Variants in TNS2 observed in about 807,000 individuals in gnomAD.
TNS2 encodes tensin-2.
TNS2 carries 77 observed loss-of-function variants against 155.7 expected under a neutral mutation model. That is an observed-to-expected ratio of 0.49 (90% CI 0.41 to 0.60). The LOEUF is 0.60. Among genes scored for constraint, TNS2 ranks in the 20% least tolerant of loss-of-function variants. The pLI is 0.00. For synonymous variants in TNS2, 726 were observed against 763.9 expected (o/e 0.95, Z 0.82); for missense variants, 1,703 against 1,868.8 (o/e 0.91, Z 1.64).
At position 53,059,816 on chromosome 12, in the gene TNS2, C is replaced by T; in HGVS notation, c.2175C>T (p.Leu725=). The change falls in exon 18 of 29, where the codon CTC becomes CTT. Residue 725 remains leucine (L), a synonymous_variant. Transcript: ENST00000314250. The surrounding 1 kb of genome is among the most constrained non-coding windows in gnomAD (Gnocchi z 4.7). ...EGWASEAGKP[L]LHPVRPGHPL... is the part of the protein sequence containing the mutation. ...GGGCAAGTGAGGCTGGCAAGCCTCT[C>T]CTGCACCCAGTGCGGCCTGGGCACC... is the stretch of plus-strand genomic sequence containing the variant. 1 of 1,612,904 alleles carries T rather than the reference C, an allele frequency of 6.2e-7. No homozygotes were observed. The highest frequency in any genetic ancestry group is 8.5e-7 in the Non-Finnish European group (1 of 1,179,936).
Position 53,055,306 on chromosome 12 carries a change from G to A in TNS2, c.573+70G>A, listed in dbSNP as rs149020226. 4.5e-5 allele frequency: 68 copies of A among 1,522,210 alleles called. 1 individual carries two copies. The African/African-American group carries it at 6.4e-4, about 14-fold the overall frequency. 94.3% of individuals were successfully genotyped at this position (1,522,210 alleles called of 1,614,324 possible). A position where few individuals can be genotyped will look rare whatever the true frequency, so the allele number is the denominator to read the frequency against. On this transcript the variant is annotated intron_variant, in intron 8 of 28. Transcript: ENST00000314250. ...AACCCCAGAAGCCCCCAGCTTCCTC[G>A]TTATTAATAGTAGCAATTGGCATCT...
Position 53,063,194 on chromosome 12 carries a change from C to T in TNS2, c.3929C>T (p.Thr1310Ile), listed in dbSNP as rs1478155329. 6.2e-7 allele frequency: 1 copy of T among 1,612,654 alleles called. No individual in the cohort carries two copies. The highest frequency in any genetic ancestry group is 8.5e-7 in the Non-Finnish European group (1 of 1,179,628). Residue 1310 changes from threonine (T) to isoleucine (I), a missense_variant, in exon 26 of 29, where the codon ACA becomes ATA. Transcript: ENST00000314250. The surrounding 1 kb of genome is among the most constrained non-coding windows in gnomAD (Gnocchi z 5.6). ...GCTCTGAGCTGTAGCCCCCGCCCGA[C>T]ACCAGCTGTTGTCCACTTCAAGGTG... ...SAALSCSPRPTPAVVHFKVSA... is the reference protein window; with the variant it reads ...SAALSCSPRPIPAVVHFKVSA...
chr12:53,052,228 C>T (rs1480161959), intron 2 of TNS2: 11 of 631,978 alleles, frequency 1.7e-5, no homozygotes, highest in Non-Finnish European at 2.8e-5. Flanking sequence ...TCTTCCTCCT[C>T]ACCTCCACCC....
In TNS2 at chr12:53,050,303, A is replaced by T; in HGVS notation, c.75+43A>T. ...CTGGGCAAAAGAGGGGCAGGGGTGG[A>T]GGTGCGGGCAGTGGGGGAGGGGACC... On this transcript the variant is annotated intron_variant, in intron 1 of 28. Coordinates refer to ENST00000314250, the MANE Select transcript of TNS2 (RefSeq NM_170754.4). The surrounding 1 kb of genome is among the most constrained non-coding windows in gnomAD (Gnocchi z 4.7). 6.5e-7 allele frequency: 1 copy of T among 1,540,466 alleles called. No individual in the cohort carries two copies. The highest frequency in any genetic ancestry group is 1.2e-5 in the South Asian group (1 of 83,016).
Position 53,063,254 on chromosome 12 carries a change from G to A in TNS2, c.3989G>A (p.Arg1330Lys), listed in dbSNP as rs1565614339. The A allele has an allele frequency of 1.2e-6, 2 of 1,613,206 alleles. No individual in the cohort carries two copies. The highest frequency in any genetic ancestry group is 1.7e-6 in the Non-Finnish European group (2 of 1,179,662). ...GGCATTACACTGACGGACAACCAAA[G>A]GAAGTATGTATACTCAGCCCTGTAG... ...AQGITLTDNQ[R>K]KLFFRRHYPV... is the part of the protein sequence containing the mutation. Residue 1330 changes from arginine (R) to lysine (K), a missense_variant, in exon 26 of 29, where the codon AGG (arginine) becomes AAG (lysine). Arg to Lys is a conservative substitution (Grantham distance 26). Transcript: ENST00000314250. This position sits in a 1 kb window ranked among gnomAD's most constrained non-coding sequence, Gnocchi z 5.6.
chr12:53,061,305 C>T, intron 20 of TNS2, 41 bp downstream of exon 20: 2 of 1,607,448 alleles, frequency 1.2e-6, no homozygotes, highest in Non-Finnish European at 1.7e-6. Context: ...CTTGAGAGAA[C>T]CCTTTCTCCT....
At position 53,050,280 on chromosome 12, in the gene TNS2, G is replaced by A. The variant is rs1268971992; in HGVS notation, c.75+20G>A. The A allele has an allele frequency of 1.9e-6, 3 of 1,589,096 alleles. No individual in the cohort carries two copies. The highest frequency in any genetic ancestry group is 2.6e-6 in the Non-Finnish European group (3 of 1,167,892). On this transcript the variant is annotated intron_variant, in intron 1 of 28. Transcript: ENST00000314250. The surrounding 1 kb of genome is among the most constrained non-coding windows in gnomAD (Gnocchi z 4.7). The stretch of plus-strand genomic sequence containing the variant: ...AGCAGGGTAGGAGTGCCCACCAGCT[G>A]GGCAAAAGAGGGGCAGGGGTGGAGG...
Position 53,059,451 on chromosome 12 carries a change from G to A in TNS2, c.1810G>A (p.Val604Ile). The change falls in exon 18 of 29, where the codon GTT becomes ATT. Residue 604 changes from valine to isoleucine, a missense_variant. Transcript: ENST00000314250. The surrounding 1 kb of genome is among the most constrained non-coding windows in gnomAD (Gnocchi z 4.7). The stretch of plus-strand genomic sequence containing the variant: ...CCAGGGCTACCGGGAGCCCTGCGGG[G>A]TTCCCAATGGGGGCTACTACCGGCC... ...CRQGYREPCGVPNGGYYRPEG... is the reference protein window; with the variant it reads ...CRQGYREPCGIPNGGYYRPEG... The A allele has an allele frequency of 6.6e-7, 1 of 1,508,830 alleles. No individual in the cohort carries two copies. The highest frequency in any genetic ancestry group is 8.8e-7 in the Non-Finnish European group (1 of 1,133,442). 93.5% of individuals were successfully genotyped at this position (1,508,830 alleles called of 1,614,324 possible).
Position 53,063,747 on chromosome 12 carries a change from C to T in TNS2, c.4095C>T (p.Ile1365=), listed in dbSNP as rs958319148. Residue 1365 remains isoleucine, a synonymous_variant, in exon 29 of 29, where the codon ATC becomes ATT. Coordinates refer to ENST00000314250, the MANE Select transcript of TNS2 (RefSeq NM_170754.4). This position sits in a 1 kb window ranked among gnomAD's most constrained non-coding sequence, Gnocchi z 5.6. ...TCCCCACCCTTTATCCCCCTAGGATCTTTGGTTTCGTGGCCAAGAAGCCGG... is the reference window on the plus strand; with the variant it reads ...TCCCCACCCTTTATCCCCCTAGGATTTTTGGTTTCGTGGCCAAGAAGCCGG... ...WTNPDGTTSK[I]FGFVAKKPGS... The T allele has an allele frequency of 6.2e-7, 1 of 1,614,016 alleles. No homozygotes were observed. The highest frequency in any genetic ancestry group is 8.5e-7 in the Non-Finnish European group (1 of 1,180,004).
upstream of TNS2, chr12:53,049,934 G>C: frequency 1.1e-6 from 1 of 932,152 alleles, no homozygotes; most frequent in Non-Finnish European, 1.5e-6. Context: ...TCCCAGCAGG[G>C]TAGATCCTGG....
chr12:53,057,479 C>A, intron 11 of TNS2, 88 bp from the exon 12 acceptor site: 1 of 994,058 alleles, frequency 1.0e-6, no homozygotes, highest in East Asian at 2.4e-5. Context: ...AGCAGAAGAG[C>A]GAGCCTTCTA....
chr12:53,049,094 C>G (rs759379870), upstream of TNS2: 1 of 1,393,834 alleles, frequency 7.2e-7, no homozygotes, highest in South Asian at 1.4e-5. Context: ...CCTCCCTTGA[C>G]TCCCAGGACG....
rs560512474 is a variant in TNS2 at position 53,061,194 on chromosome 12, G to T, written c.3288G>T (p.Ser1096=). The T allele has an allele frequency of 2.5e-6, 4 of 1,584,708 alleles. No individual in the cohort carries two copies. Among genetic ancestry groups the T allele is most frequent in the Non-Finnish European group, 2.6e-6 (3 of 1,165,980 alleles). ...PGPWGPEQAS[S]PARGISHHVT... ...CCTGGGGCCCAGAGCAGGCATCATC[G>T]CCAGCCAGAGGCATCAGTCACCATG... Residue 1096 remains serine (S), a synonymous_variant, in exon 20 of 29, where the codon TCG becomes TCT. Coordinates refer to ENST00000314250, the MANE Select transcript of TNS2 (RefSeq NM_170754.4).
Position 53,060,810 on chromosome 12 carries a change from T to A in TNS2, c.2904T>A (p.Pro968=), listed in dbSNP as rs1944354949. The change falls in exon 20 of 29, where the codon CCT becomes CCA. Residue 968 remains proline (P), a synonymous_variant. Transcript: ENST00000314250. This position sits in a 1 kb window ranked among gnomAD's most constrained non-coding sequence, Gnocchi z 6.1. ...TGCCGTCGGGAAGTGGGCCTGAGCC[T>A]CTGGCCCCTAGCCCAGTCTCTCCGA... The part of the protein sequence containing the change: ...PELPSGSGPE[P]LAPSPVSPTF... 6.2e-7 allele frequency: 1 copy of A among 1,611,350 alleles called. No individual in the cohort carries two copies. Among genetic ancestry groups the A allele is most frequent in the Non-Finnish European group, 8.5e-7 (1 of 1,178,590 alleles).
In TNS2 at chr12:53,060,271, A is replaced by C; in HGVS notation, c.2617+13A>C. 6.5e-7 allele frequency: 1 copy of C among 1,537,990 alleles called. No individual in the cohort carries two copies. The highest frequency in any genetic ancestry group is 1.7e-4 in the Middle Eastern group (1 of 5,720). ...TTGGCATCTGCAGGTGAGGGGCACC[A>C]GAGTGCGGAGTGCCCAGGGCAGAGG... On this transcript the variant is annotated intron_variant, in intron 18 of 28. Transcript: ENST00000314250. This position sits in a 1 kb window ranked among gnomAD's most constrained non-coding sequence, Gnocchi z 6.1.
chr12:53,060,544 G>A lies in TNS2; in HGVS notation c.2757G>A (p.Gln919=), dbSNP rs770015316. 1.3e-5 allele frequency: 21 copies of A among 1,613,540 alleles called. No homozygotes were observed. The highest frequency in any genetic ancestry group is 1.8e-5 in the Non-Finnish European group (21 of 1,179,932). Residue 919 remains glutamine (Q), a synonymous_variant, in exon 19 of 29, where the codon CAG becomes CAA. Coordinates refer to ENST00000314250, the MANE Select transcript of TNS2 (RefSeq NM_170754.4). The surrounding 1 kb of genome is among the most constrained non-coding windows in gnomAD (Gnocchi z 6.1). Reference sequence around the variant, plus strand: ...CCCTGCACACCAGCAGTCCAGTCCAGGGCAAGGAAAGGTATGCAGAGGGGC... The same window carrying A: ...CCCTGCACACCAGCAGTCCAGTCCAAGGCAAGGAAAGGTATGCAGAGGGGC... The part of the protein sequence containing the change: ...STPLHTSSPV[Q]GKESTRRQDT...
In TNS2 at chr12:53,051,838, T is replaced by C. The variant is rs1272398055; in HGVS notation, c.76-17T>C. The C allele has an allele frequency of 1.2e-6, 2 of 1,604,920 alleles. No homozygotes were observed. The stretch of plus-strand genomic sequence containing the variant: ...CCCACTGGGAACTCACACCTCTGTT[T>C]GTCCCTCCACCTTCAGCCTAGGAAA... On this transcript the variant is annotated splice_polypyrimidine_tract_variant and intron_variant, in intron 1 of 28. Coordinates refer to ENST00000314250, the MANE Select transcript of TNS2 (RefSeq NM_170754.4).
chr12:53,053,846 G>A, intron 5 of TNS2, 34 bp downstream of exon 5: 1 of 1,613,720 alleles, frequency 6.2e-7, no homozygotes, highest in Non-Finnish European at 8.5e-7. Flanking sequence ...GGGGAAGCAG[G>A]TAGCTTTGGG....
chr12:53,055,541 C>A, intron 8 of TNS2, 27 bp from the exon 9 acceptor site: 1 of 1,578,692 alleles, frequency 6.3e-7, no homozygotes, highest in Non-Finnish European at 8.6e-7. Context: ...GCCCCCGGCC[C>A]CAGTTGCACC....
Sources: allele counts gnomAD v4.1 joint callset, GRCh38; gene constraint gnomAD v4.1.1; non-coding constraint Gnocchi (gnomAD v3.1); transcripts MANE v1.5; gene names NCBI Gene and HGNC (gene_info 2026-07-23, HGNC 2026-07-21).